Variants in COG5 observed in about 807,000 individuals in gnomAD.
COG5 encodes conserved oligomeric Golgi complex subunit 5.
A neutral mutation model predicts 110.4 loss-of-function variants in COG5; 86 were observed. The observed-to-expected ratio is 0.78, with a 90% CI of 0.65 to 0.93. The LOEUF (loss-of-function observed/expected upper bound fraction) is 0.93, where lower values mean the gene tolerates loss of function less well. Among genes scored for constraint, COG5 ranks in the 40% least tolerant of loss-of-function variants. COG5 has a pLI of 0.00. For missense variants in COG5, 1,077 were observed against 987.0 expected (o/e 1.09, Z -1.22); for synonymous variants, 360 against 334.6 (o/e 1.08, Z -0.83).
chr7:107,209,326 TG>T, intron 21 of COG5: 1 of 597,818 alleles, frequency 1.7e-6, no homozygotes, highest in Non-Finnish European at 2.1e-6. Flanking sequence ...TAGGTGATTG[TG>T]ACCTCCCAAC....
At chr7:107,240,781 C>T (rs1005932758) in intron 17 of COG5, among the ~76,000 whole-genome samples, 7 of 152,128 alleles carry the variant, frequency 4.6e-5, no homozygotes, top group Admixed American at 4.6e-4. Flanking sequence ...TTACTAATCA[C>T]AAGATTCTAC....
intron 5 of COG5, among the ~76,000 whole-genome samples, chr7:107,532,647 C>A (rs1375249624): frequency 6.6e-6 from 1 of 152,176 alleles, no homozygotes; most frequent in Non-Finnish European, 1.5e-5. Flanking sequence ...AGCCTTCTTA[C>A]ATCTATATAA....
At chr7:107,313,588 T>A (rs553361641) in intron 11 of COG5, among the ~76,000 whole-genome samples, 1 of 152,266 alleles carries the variant, frequency 6.6e-6, no homozygotes, top group South Asian at 2.1e-4. Context: ...TTCTGGAGGT[T>A]CTAGGGGGAA....
chr7:107,232,949 T>C (rs951517563), intron 18 of COG5, among the ~76,000 whole-genome samples: 1 of 152,186 alleles, frequency 6.6e-6, no homozygotes, highest in African/African-American at 2.4e-5. Flanking sequence ...CTTCTTTGGA[T>C]ACTCCTAGGG....
intron 17 of COG5, among the ~76,000 whole-genome samples, chr7:107,241,287 C>T (rs1801599755): frequency 2.0e-5 from 3 of 151,828 alleles, no homozygotes; most frequent in Non-Finnish European, 4.4e-5. Flanking sequence ...GAACAAAAAC[C>T]ATTTCCTCTC....
rs1183856657 is a variant in COG5 at position 107,421,723 on chromosome 7, G to A, written c.539-9091C>T. On this transcript the variant is annotated intron_variant, in intron 6 of 21. Transcript: ENST00000297135. The stretch of plus-strand genomic sequence containing the variant: ...GGAGGTTGCAGTGAGCTGAGATTGC[G>A]CCACTGCACTCCAGCCTGGGAGACA... Among the ~76,000 whole-genome samples the A allele has an allele frequency of 3.3e-5, 5 of 150,248 alleles. No homozygotes were observed. The South Asian group carries it at 6.3e-4, about 19-fold the overall frequency.
chr7:107,242,420 G>T (rs1390810042), intron 17 of COG5, among the ~76,000 whole-genome samples: 2 of 152,192 alleles, frequency 1.3e-5, no homozygotes, highest in Non-Finnish European at 2.9e-5. Flanking sequence ...ATGGCAAAGT[G>T]GCCAGACTGT....
intron 6 of COG5, among the ~76,000 whole-genome samples, chr7:107,464,748 C>T (rs908405742): frequency 6.6e-6 from 1 of 152,182 alleles, no homozygotes; most frequent in African/African-American, 2.4e-5. Context: ...ACTGTATTAC[C>T]CATGATGCAG....
rs541772478 is a variant in COG5 at position 107,558,644 on chromosome 7, T to C, written c.95-529A>G. 3.3e-5 allele frequency among the ~76,000 whole-genome samples: 5 copies of C among 149,494 alleles called. No individual in the cohort carries two copies. In the South Asian group the frequency reaches 8.4e-4, roughly 25 times the overall value. ...GCTCACACCTGTAATCCCAGCACTTTGGGAGGCCGAGGCAGGTGGATCACG... is the reference window on the plus strand; with the variant it reads ...GCTCACACCTGTAATCCCAGCACTTCGGGAGGCCGAGGCAGGTGGATCACG... On this transcript the variant is annotated intron_variant, in intron 1 of 21. Transcript: ENST00000297135.
At chr7:107,245,654 C>A (rs1187933096) in intron 17 of COG5, among the ~76,000 whole-genome samples, 2 of 152,006 alleles carry the variant, frequency 1.3e-5, no homozygotes, top group East Asian at 1.9e-4. Flanking sequence ...TACAGGTAAC[C>A]AGGGAGGTAA....
chr7:107,305,723 G>C (rs1367929861), intron 11 of COG5, among the ~76,000 whole-genome samples: 2 of 151,952 alleles, frequency 1.3e-5, no homozygotes, highest in Non-Finnish European at 2.9e-5. Flanking sequence ...TGTGAGCTGA[G>C]AGCCTCAGTT....
rs778380856 is a variant in COG5 at position 107,210,612 on chromosome 7, G to C, written c.2296-7C>G. 23 of 1,595,046 alleles carry C rather than the reference G, an allele frequency of 1.4e-5. No individual in the cohort carries two copies. Among genetic ancestry groups the C allele is most frequent in the Non-Finnish European group, 1.7e-5 (20 of 1,170,068 alleles). On this transcript the variant is annotated splice_polypyrimidine_tract_variant and splice_region_variant and intron_variant, in intron 20 of 21. Transcript: ENST00000297135. ...TGTGGGACCACTCTGCCCTCTGCAGGGTTGAAACACAATTAGAGAGAGTGC... is the reference window on the plus strand; with the variant it reads ...TGTGGGACCACTCTGCCCTCTGCAGCGTTGAAACACAATTAGAGAGAGTGC...
At chr7:107,437,340 T>C (rs902829072) in intron 6 of COG5, among the ~76,000 whole-genome samples, 6 of 152,182 alleles carry the variant, frequency 3.9e-5, no homozygotes, top group Non-Finnish European at 7.4e-5. Context: ...TGTTAGTAGA[T>C]AGCATAGCCC....
intron 10 of COG5, among the ~76,000 whole-genome samples, chr7:107,349,992 C>G (rs1245552506): frequency 1.3e-5 from 2 of 152,202 alleles, no homozygotes; most frequent in Non-Finnish European, 2.9e-5. Flanking sequence ...TGCACCCAGT[C>G]TGATTTTACC....
At chr7:107,348,963 G>A (rs1787226832) in intron 10 of COG5, among the ~76,000 whole-genome samples, 1 of 152,030 alleles carries the variant, frequency 6.6e-6, no homozygotes, top group Non-Finnish European at 1.5e-5. Context: ...CTGGGCTCAA[G>A]TGATCCTCCC....
intron 2 of COG5, among the ~76,000 whole-genome samples, chr7:107,557,766 T>A (rs959783341): frequency 6.6e-6 from 1 of 152,224 alleles, no homozygotes; most frequent in Admixed American, 6.5e-5. Context: ...GAAGTATGAA[T>A]GAAAGGCTTT....
chr7:107,389,994 G>A (rs75617662), intron 7 of COG5, among the ~76,000 whole-genome samples: 30,042 of 152,010 alleles, frequency 0.2, 3,416 homozygotes, highest in East Asian at 0.33. Flanking sequence ...AATACTCCAC[G>A]TTTGTGACCC....
chr7:107,425,401 AAG>A (rs1793577238), intron 6 of COG5, among the ~76,000 whole-genome samples: 1 of 151,856 alleles, frequency 6.6e-6, no homozygotes, highest in South Asian at 2.1e-4. Flanking sequence ...CTCTCCTATG[AAG>A]AGTCTCCATC....
intron 6 of COG5, among the ~76,000 whole-genome samples, chr7:107,463,403 TG>T (rs1563049735): frequency 1.3e-5 from 2 of 152,206 alleles, no homozygotes; most frequent in African/African-American, 4.8e-5. Context: ...TCTTCCCTCC[TG>T]GGATGATACA....
Sources: allele counts gnomAD v4.1 joint callset (sites outside exome capture counted in the v4.1 genomes callset), GRCh38; gene constraint gnomAD v4.1.1; transcripts MANE v1.5; gene names NCBI Gene and HGNC (gene_info 2026-07-23, HGNC 2026-07-21).